The following GRIA4 variants were observed in gnomAD, a reference collection of about 807,000 sequenced individuals.
The protein encoded by GRIA4 is glutamate receptor 4.
GRIA4 carries 34 observed loss-of-function variants against 104.0 expected under a neutral mutation model. That is an observed-to-expected ratio of 0.33 (90% confidence interval 0.25 to 0.44). The LOEUF is 0.44. Ranked by LOEUF, GRIA4 falls within the 20% of genes least tolerant of loss-of-function variation. The pLI is 1.00. For missense variants in GRIA4, 750 were observed against 1,096.5 expected, an observed-to-expected ratio of 0.68 and a Z score of 4.46; for synonymous variants, 386 against 381.9, an observed-to-expected ratio of 1.01 and a Z score of -0.13.
chr11:105,630,347 T>C (rs994809503), intron 3 of GRIA4, among the ~76,000 whole-genome samples: 10 of 151,164 alleles, frequency 6.6e-5, no homozygotes, highest in Middle Eastern at 3.2e-3. Flanking sequence ...GGGTGGATCA[T>C]GAGGCCAGGA....
At chr11:105,755,667 T>G (rs1286209784) in intron 4 of GRIA4, among the ~76,000 whole-genome samples, 1 of 152,194 alleles carries the variant, frequency 6.6e-6, no homozygotes, top group Non-Finnish European at 1.5e-5. Context: ...TGAGGTTGCC[T>G]CCAGCAGAGC....
At chr11:105,628,480 G>A (rs971910451) in intron 3 of GRIA4, among the ~76,000 whole-genome samples, 11 of 152,090 alleles carry the variant, frequency 7.2e-5, no homozygotes, top group Admixed American at 6.6e-4. Flanking sequence ...ATGGGAGTAT[G>A]ATAGTAAGTG....
chr11:105,924,273 G>A lies in GRIA4; in HGVS notation c.1477-126G>A, dbSNP rs989114199. 1.6e-5 allele frequency: 10 copies of A among 631,734 alleles called. No individual in the cohort carries two copies. In the African/African-American group the frequency reaches 1.8e-4, roughly 11 times the overall value. 39.1% of individuals were successfully genotyped at this position (631,734 alleles called of 1,614,324 possible). A position where few individuals can be genotyped will look rare whatever the true frequency, so the allele number is the denominator to read the frequency against. On this transcript the variant is annotated intron_variant, in intron 11 of 16. Coordinates refer to ENST00000282499, the MANE Select transcript of GRIA4 (RefSeq NM_000829.4). ...GTGTCTATCACTAGGCTTATACATTGTTGGCACTCCAAAAATAAATGTAGA... is the reference window on the plus strand; with the variant it reads ...GTGTCTATCACTAGGCTTATACATTATTGGCACTCCAAAAATAAATGTAGA...
At chr11:105,784,552 C>G (rs1941872259) in intron 4 of GRIA4, among the ~76,000 whole-genome samples, 1 of 152,156 alleles carries the variant, frequency 6.6e-6, no homozygotes, top group Non-Finnish European at 1.5e-5. Flanking sequence ...GGCCACTCAG[C>G]CAGTATGTGC....
chr11:105,862,176 G>A lies in GRIA4; in HGVS notation c.640G>A (p.Glu214Lys), dbSNP rs751075935. The A allele has an allele frequency of 4.4e-6, 7 of 1,601,370 alleles. 1 individual carries two copies. Among genetic ancestry groups the A allele is most frequent in the South Asian group, 3.3e-5 (3 of 90,832 alleles). Residue 214 changes from glutamate (E) to lysine (K), a missense_variant, in exon 5 of 17, where the codon GAG (glutamate) becomes AAG (lysine). Transcript: ENST00000282499. ...AGAGAAGAAGTTTGTAATAGACTGT[G>A]AGATAGAGAGACTTCAAAACATATT... ...RQEKKFVIDC[E>K]IERLQNILEQ...
At chr11:105,924,816 TA>T in intron 12 of GRIA4, 47 bp downstream of exon 12, 2 of 1,395,812 alleles carry the variant, frequency 1.4e-6, no homozygotes, top group South Asian at 1.3e-5. Context: ...CCAGTAATTC[TA>T]AATGTTGTGC....
chr11:105,704,895 A>G (rs961395309), intron 3 of GRIA4, among the ~76,000 whole-genome samples: 5 of 152,150 alleles, frequency 3.3e-5, no homozygotes, highest in Admixed American at 2.0e-4. Context: ...CTTTTTATGT[A>G]GTAAGACAAG....
intron 4 of GRIA4, among the ~76,000 whole-genome samples, chr11:105,789,977 T>A (rs375893032): frequency 6.6e-6 from 1 of 152,208 alleles, no homozygotes; most frequent in Non-Finnish European, 1.5e-5. Context: ...GCAACACTGA[T>A]GGATGATCAA....
At chr11:105,882,629 A>G (rs1946106914) in intron 5 of GRIA4, among the ~76,000 whole-genome samples, 2 of 152,154 alleles carry the variant, frequency 1.3e-5, no homozygotes, top group South Asian at 4.1e-4. Flanking sequence ...AGCAAGTGAT[A>G]TCACTTCTTG....
At chr11:105,702,110 T>C (rs956893099) in intron 3 of GRIA4, among the ~76,000 whole-genome samples, 5 of 152,092 alleles carry the variant, frequency 3.3e-5, no homozygotes, top group African/African-American at 1.2e-4. Flanking sequence ...ATTTTAAAAA[T>C]GTGTTTAGAG....
At chr11:105,864,434 A>G (rs1945336221) in intron 5 of GRIA4, among the ~76,000 whole-genome samples, 1 of 152,240 alleles carries the variant, frequency 6.6e-6, no homozygotes, top group African/African-American at 2.4e-5. Flanking sequence ...AAAACCAACC[A>G]AAGCATTTTT....
intron 4 of GRIA4, among the ~76,000 whole-genome samples, chr11:105,814,058 T>C (rs1331023994): frequency 6.6e-6 from 1 of 152,108 alleles, no homozygotes; most frequent in East Asian, 1.9e-4. Context: ...CAAGTGCAAA[T>C]GTGCTGAACC....
chr11:105,770,783 T>C (rs1028057034), intron 4 of GRIA4, among the ~76,000 whole-genome samples: 1 of 152,074 alleles, frequency 6.6e-6, no homozygotes, highest in African/African-American at 2.4e-5. Context: ...CTCTACCCTT[T>C]TAATTCTCTA....
chr11:105,654,809 T>G (rs1389363415), intron 3 of GRIA4, among the ~76,000 whole-genome samples: 1 of 152,150 alleles, frequency 6.6e-6, no homozygotes, highest in African/African-American at 2.4e-5. Flanking sequence ...GTAGCAAGTC[T>G]TGGTACACAG....
chr11:105,838,310 T>C (rs1944268309), intron 4 of GRIA4, among the ~76,000 whole-genome samples: 1 of 152,172 alleles, frequency 6.6e-6, no homozygotes. Context: ...TCATTCTGTA[T>C]AGAGTAATGG....
At chr11:105,812,078 A>G (rs954457511) in intron 4 of GRIA4, among the ~76,000 whole-genome samples, 1 of 152,220 alleles carries the variant, frequency 6.6e-6, no homozygotes, top group Non-Finnish European at 1.5e-5. Flanking sequence ...AGAAAAGAAA[A>G]CAGACAAAGC....
At chr11:105,709,124 A>C (rs1953817239) in intron 3 of GRIA4, among the ~76,000 whole-genome samples, 1 of 152,160 alleles carries the variant, frequency 6.6e-6, no homozygotes, top group South Asian at 2.1e-4. Flanking sequence ...AATGCTTATG[A>C]AATGATTGGG....
At chr11:105,780,006 G>A (rs1941655259) in intron 4 of GRIA4, among the ~76,000 whole-genome samples, 1 of 152,118 alleles carries the variant, frequency 6.6e-6, no homozygotes, top group Non-Finnish European at 1.5e-5. Flanking sequence ...TAAGATAGTG[G>A]AATTGTGGAA....
chr11:105,731,191 A>T (rs1438039556), intron 3 of GRIA4, among the ~76,000 whole-genome samples: 4 of 152,176 alleles, frequency 2.6e-5, no homozygotes, highest in African/African-American at 9.7e-5. Context: ...GAAAAAAACA[A>T]ACAGCCCCAT....
Sources: allele counts gnomAD v4.1 joint callset (sites outside exome capture counted in the v4.1 genomes callset), GRCh38; gene constraint gnomAD v4.1.1; transcripts MANE v1.5; gene names NCBI Gene and HGNC (gene_info 2026-07-23, HGNC 2026-07-21).